The following ERICH2 variants were observed in gnomAD, a reference collection of about 807,000 sequenced individuals.
ERICH2 encodes glutamate-rich protein 2.
In ERICH2, 17 loss-of-function variants were observed where a neutral mutation model predicts 17.4. The ratio of observed to expected loss-of-function variants is 0.98; its 90% CI spans 0.67 to 1.47. The LOEUF is 1.47. Among genes scored for constraint, ERICH2 ranks in the 40% most tolerant of loss-of-function variants. ERICH2 has a pLI of 0.00. For synonymous variants in ERICH2, 51 were observed against 61.1 expected (o/e 0.83, Z 0.77); for missense variants, 186 against 183.2 (o/e 1.01, Z -0.09).
chr2:170,773,794 T>C, the ERICH2 span, among the ~76,000 whole-genome samples: 1 of 152,102 alleles, frequency 6.6e-6, no homozygotes, highest in African/African-American at 2.4e-5. Context: ...GGCACAATCA[T>C]AGCTCATTGT....
upstream of ERICH2, chr2:170,783,145 TAAAATA>T (rs1302177694): frequency 2.6e-5 from 4 of 151,026 alleles, no homozygotes; most frequent in Non-Finnish European, 5.9e-5. Flanking sequence ...TAAATAAAAA[TAAAATA>T]AAAAATAAAA....
At chr2:170,793,191 A>T (rs1701332561) in intron 3 of ERICH2, among the ~76,000 whole-genome samples, 1 of 152,266 alleles carries the variant, frequency 6.6e-6, no homozygotes, top group South Asian at 2.1e-4. Flanking sequence ...ATGATGGGTT[A>T]GTAACTTTAT....
At chr2:170,780,145 C>T (rs187588378), upstream of ERICH2, among the ~76,000 whole-genome samples, 1 of 152,060 alleles carries the variant, frequency 6.6e-6, no homozygotes. Context: ...TTTGCATTTC[C>T]AAAGAATATT....
the ERICH2 span, chr2:170,776,999 A>G: frequency 6.7e-6 from 1 of 149,504 alleles, no homozygotes; most frequent in Non-Finnish European, 1.5e-5. Context: ...ATGAGGTTTT[A>G]CAGTTAGAAT....
chr2:170,792,586 A>G (rs1032442723), intron 2 of ERICH2, among the ~76,000 whole-genome samples: 4 of 152,228 alleles, frequency 2.6e-5, no homozygotes, highest in African/African-American at 7.2e-5. Context: ...TATCTGTGCC[A>G]GTTGAATCAA....
chr2:170,785,801 G>A (rs1411931809), intron 2 of ERICH2, among the ~76,000 whole-genome samples: 2 of 152,212 alleles, frequency 1.3e-5, no homozygotes, highest in South Asian at 2.1e-4. Context: ...AGGCATTGAA[G>A]CCTGAAACAA....
chr2:170,772,197 C>G, the ERICH2 span, among the ~76,000 whole-genome samples: 1 of 152,284 alleles, frequency 6.6e-6, no homozygotes, highest in East Asian at 1.9e-4. Context: ...TTTCTACCTA[C>G]GCTCACCGGT....
At chr2:170,798,934 A>G in exon 5 of ERICH2, 1 of 1,542,598 alleles carries the variant, frequency 6.5e-7, no homozygotes. Context: ...ATTTTCATTA[A>G]TGTATACCAT....
chr2:170,788,564 C>T (rs183557233), intron 2 of ERICH2, among the ~76,000 whole-genome samples: 206 of 151,546 alleles, frequency 1.4e-3, no homozygotes, highest in African/African-American at 4.0e-3. Flanking sequence ...CTCTGCCTCT[C>T]GGGTTCAAGC....
chr2:170,797,277 C>T (rs989601414), intron 3 of ERICH2, among the ~76,000 whole-genome samples: 19 of 152,154 alleles, frequency 1.2e-4, no homozygotes, highest in Non-Finnish European at 2.2e-4. Context: ...CCTCTGTGTT[C>T]CGATGAGACC....
chr2:170,776,288 T>G, the ERICH2 span, among the ~76,000 whole-genome samples: 2 of 152,232 alleles, frequency 1.3e-5, no homozygotes, highest in African/African-American at 4.8e-5. Context: ...TTTGTTTAAA[T>G]AATACTTTAT....
the ERICH2 span, among the ~76,000 whole-genome samples, chr2:170,772,736 A>G: frequency 6.6e-6 from 1 of 152,214 alleles, no homozygotes; most frequent in Non-Finnish European, 1.5e-5. Context: ...AAGCTCCCTG[A>G]GGATAGAGGA....
the ERICH2 span, chr2:170,777,590 A>G: frequency 8.8e-7 from 1 of 1,141,508 alleles, no homozygotes; most frequent in Non-Finnish European, 1.1e-6. Flanking sequence ...TTAGAAGTGT[A>G]TGTCAGGGAC....
At chr2:170,777,440 A>G in the ERICH2 span, 1 of 1,209,980 alleles carries the variant, frequency 8.3e-7, no homozygotes, top group Non-Finnish European at 1.0e-6. Context: ...ATGATTTATT[A>G]CTTTGAAAGA....
the ERICH2 span, among the ~76,000 whole-genome samples, chr2:170,774,370 G>C: frequency 6.6e-6 from 1 of 152,018 alleles, no homozygotes. Context: ...CTATATGCCA[G>C]GCTCTGCTGA....
chr2:170,780,149 G>T (rs1700995072), upstream of ERICH2, among the ~76,000 whole-genome samples: 1 of 151,912 alleles, frequency 6.6e-6, no homozygotes, highest in African/African-American at 2.4e-5. Flanking sequence ...CATTTCCAAA[G>T]AATATTATTG....
chr2:170,778,498 C>T, the ERICH2 span, among the ~76,000 whole-genome samples: 1 of 151,956 alleles, frequency 6.6e-6, no homozygotes, highest in South Asian at 2.1e-4. Flanking sequence ...GAAAAATGTC[C>T]ACCTTGGCTT....
At chr2:170,784,251 C>G (rs1701096503) in intron 1 of ERICH2, among the ~76,000 whole-genome samples, 1 of 152,096 alleles carries the variant, frequency 6.6e-6, no homozygotes, top group Non-Finnish European at 1.5e-5. Context: ...GTAGTATTTC[C>G]CCAGGAGATG....
chr2:170,798,697 G>C, intron 4 of ERICH2, 73 bp from the exon 10 acceptor site: 1 of 1,520,976 alleles, frequency 6.6e-7, no homozygotes, highest in Admixed American at 2.0e-5. Context: ...GTAGAGGGAG[G>C]GGCAAGGAGA....
Sources: allele counts gnomAD v4.1 joint callset (sites outside exome capture counted in the v4.1 genomes callset), GRCh38; gene constraint gnomAD v4.1.1; transcripts MANE v1.5; gene names NCBI Gene and HGNC (gene_info 2026-07-23, HGNC 2026-07-21).